MCM10: variants seen among roughly 807,000 people sequenced by gnomAD.
The protein encoded by MCM10 is minichromosome maintenance 10 replication initiation factor, also known as protein MCM10 homolog.
Under a neutral mutation model 109.9 loss-of-function variants are expected in MCM10, and 91 were observed. That is an observed-to-expected ratio of 0.83 (90% confidence interval 0.70 to 0.99). The LOEUF is 0.99. Among genes scored for constraint, MCM10 ranks in the 50% least tolerant of loss-of-function variants. The probability of loss-of-function intolerance (pLI) is 0.00; values close to 1 mark genes in which losing one functional copy is unlikely to be tolerated. For synonymous variants in MCM10, 380 were observed against 387.2 expected (o/e 0.98, Z 0.22); for missense variants, 1,077 against 1,061.2 (o/e 1.01, Z -0.21).
chr10:13,174,737 C>T (rs1281982271), intron 5 of MCM10, among the ~76,000 whole-genome samples: 2 of 152,208 alleles, frequency 1.3e-5, no homozygotes, highest in Non-Finnish European at 2.9e-5. Context: ...ACATTATTAT[C>T]ATCAGAGAAA....
At position 13,182,843 on chromosome 10, in the gene MCM10, A is replaced by G. The variant is rs1834225783; in HGVS notation, c.931-90A>G. The G allele has an allele frequency of 3.0e-6, 3 of 984,442 alleles. No individual in the cohort carries two copies. Among genetic ancestry groups the G allele is most frequent in the Non-Finnish European group, 4.5e-6 (3 of 666,980 alleles). 61.0% of individuals were successfully genotyped at this position (984,442 alleles called of 1,614,324 possible). On this transcript the variant is annotated intron_variant, in intron 7 of 19. Coordinates refer to ENST00000378714, the MANE Select transcript of MCM10 (RefSeq NM_018518.5). The surrounding 1 kb of genome is among the most constrained non-coding windows in gnomAD (Gnocchi z 4.2). ...AACTTGGATTTTATGGATTATAGGC[A>G]TATAGTTTTCCATAGTAAAACTCTT...
chr10:13,186,973 T>C (rs558101316), intron 9 of MCM10, among the ~76,000 whole-genome samples: 20 of 152,286 alleles, frequency 1.3e-4, no homozygotes, highest in South Asian at 6.2e-4. Flanking sequence ...GCCTGGGCGA[T>C]AGAGTGAGAT....
chr10:13,164,837 T>C (rs1833973441), intron 2 of MCM10, among the ~76,000 whole-genome samples: 1 of 152,116 alleles, frequency 6.6e-6, no homozygotes, highest in Admixed American at 6.5e-5. Context: ...GGTGGGAGGA[T>C]TGCTTGAGCC....
At chr10:13,195,363 T>A in intron 14 of MCM10, 94 bp downstream of exon 14, 1 of 899,096 alleles carries the variant, frequency 1.1e-6, no homozygotes, top group Non-Finnish European at 1.7e-6. Context: ...TTATTGATCG[T>A]GATCATTAGA....
chr10:13,177,510 T>G (rs1232794941), intron 6 of MCM10, among the ~76,000 whole-genome samples: 2 of 47,196 alleles, frequency 4.2e-5, no homozygotes, highest in African/African-American at 1.6e-4. Flanking sequence ...TTTTGGAGCT[T>G]TTTTTTTTTT....
chr10:13,200,277 T>C (rs1044713052), intron 16 of MCM10, among the ~76,000 whole-genome samples: 1 of 152,140 alleles, frequency 6.6e-6, no homozygotes, highest in Non-Finnish European at 1.5e-5. Flanking sequence ...AGATGTCTCA[T>C]AGAGCACACA....
chr10:13,170,678 TTTTG>T (rs747445575), intron 2 of MCM10, among the ~76,000 whole-genome samples: 125 of 151,476 alleles, frequency 8.3e-4, no homozygotes, highest in African/African-American at 2.6e-3. Flanking sequence ...TTTTTGTTTT[TTTTG>T]TTTGTTTGTT....
chr10:13,202,454 T>A (rs1834512782), intron 17 of MCM10, among the ~76,000 whole-genome samples: 1 of 152,228 alleles, frequency 6.6e-6, no homozygotes, highest in African/African-American at 2.4e-5. Flanking sequence ...ATCAGCCTAC[T>A]TAATAAACAT....
chr10:13,171,189 C>T lies in MCM10; in HGVS notation c.275C>T (p.Ala92Val), dbSNP rs763605786. Residue 92 changes from alanine to valine, a missense_variant, in exon 3 of 20, where the codon GCA (alanine) becomes GTA (valine). Transcript: ENST00000378714. ...EDLTDEEEVP[A>V]SQSTENRVLP... ...TTAACAGATGAAGAAGAAGTTCCCGCATCACAGTCAACTGAAAATAGGGTC... is the reference window on the plus strand; with the variant it reads ...TTAACAGATGAAGAAGAAGTTCCCGTATCACAGTCAACTGAAAATAGGGTC... The T allele has an allele frequency of 1.9e-6, 3 of 1,614,068 alleles. No homozygotes were observed. The highest frequency in any genetic ancestry group is 1.3e-5 in the African/African-American group (1 of 74,918).
At chr10:13,205,718 A>G (rs1392797624) in intron 18 of MCM10, among the ~76,000 whole-genome samples, 4 of 152,150 alleles carry the variant, frequency 2.6e-5, no homozygotes, top group African/African-American at 7.2e-5. Context: ...AGCCATTCTT[A>G]CTGGTATAAG....
At chr10:13,189,156 G>A in intron 10 of MCM10, 76 bp downstream of exon 10, 2 of 1,461,694 alleles carry the variant, frequency 1.4e-6, no homozygotes, top group South Asian at 1.2e-5. Flanking sequence ...GTACCTTCCT[G>A]TAACCGTCAT....
At chr10:13,163,773 C>A (rs7069408) in intron 1 of MCM10, among the ~76,000 whole-genome samples, 84 of 152,090 alleles carry the variant, frequency 5.5e-4, no homozygotes, top group African/African-American at 2.0e-3. Flanking sequence ...TCAAGTGATG[C>A]GCCCACCTTA....
chr10:13,171,333 T>A (rs1196561962), intron 3 of MCM10, 70 bp downstream of exon 3: 1 of 1,335,414 alleles, frequency 7.5e-7, no homozygotes, highest in African/African-American at 1.5e-5. Context: ...CTGATAGTTG[T>A]CATCAAAATA....
intron 9 of MCM10, among the ~76,000 whole-genome samples, chr10:13,187,382 TGATA>T (rs1834289327): frequency 1.3e-5 from 2 of 152,256 alleles, no homozygotes; most frequent in Non-Finnish European, 1.5e-5. Context: ...TTTCATCAGT[TGATA>T]CACGCTTGGG....
rs1159252013 is a variant in MCM10 at position 13,209,445 on chromosome 10, G to A, written c.*135G>A. 2.9e-6 allele frequency: 2 copies of A among 697,906 alleles called. No homozygotes were observed. Among genetic ancestry groups the A allele is most frequent in the Non-Finnish European group, 2.4e-6 (1 of 409,544 alleles). 43.2% of individuals were successfully genotyped at this position (697,906 alleles called of 1,614,324 possible). A position where few individuals can be genotyped will look rare whatever the true frequency, so the allele number is the denominator to read the frequency against. ...AATGCTTGTTAAGCCCATAAGCTTT[G>A]CCTGCTTACTTTCTGCCATTGGGTT... On this transcript the variant is annotated 3_prime_UTR_variant, in exon 20 of 20. Coordinates refer to ENST00000378714, the MANE Select transcript of MCM10 (RefSeq NM_018518.5).
At chr10:13,163,434 T>C (rs1833953887) in intron 1 of MCM10, among the ~76,000 whole-genome samples, 1 of 152,250 alleles carries the variant, frequency 6.6e-6, no homozygotes, top group African/African-American at 2.4e-5. Context: ...TAGAAAAATG[T>C]ATACTTTCTT....
intron 16 of MCM10, 134 bp downstream of exon 16, chr10:13,198,941 G>T: frequency 1.6e-6 from 1 of 628,674 alleles, no homozygotes; most frequent in Non-Finnish European, 2.8e-6. Context: ...TGTGGCCCAG[G>T]CTGAAGTGCA....
chr10:13,189,090 T>A lies in MCM10; in HGVS notation c.1415+10T>A, dbSNP rs1834314598. 6.2e-7 allele frequency: 1 copy of A among 1,613,972 alleles called. No homozygotes were observed. Among genetic ancestry groups the A allele is most frequent in the African/African-American group, 1.3e-5 (1 of 74,918 alleles). On this transcript the variant is annotated intron_variant, in intron 10 of 19. Coordinates refer to ENST00000378714, the MANE Select transcript of MCM10 (RefSeq NM_018518.5). ...CGTATGCAGCTTCAATGTAAGACGT[T>A]CTCGGGCTTCTTTTGGGCAGAGGAT...
chr10:13,189,015 A>C lies in MCM10; in HGVS notation c.1350A>C (p.Lys450Asn), dbSNP rs1331356659. ...KKFARRGTSL[K>N]ERLCQDGFYY... ...TTGCCCGCAGAGGCACCAGCCTCAA[A>C]GAACGGCTGTGCCAAGATGGCTTTT... is the stretch of plus-strand genomic sequence containing the variant. Residue 450 changes from lysine to asparagine, a missense_variant, in exon 10 of 20, where the codon AAA becomes AAC. Transcript: ENST00000378714. 4 of 1,614,162 alleles carry C rather than the reference A, an allele frequency of 2.5e-6. No homozygotes were observed. The highest frequency in any genetic ancestry group is 3.4e-6 in the Non-Finnish European group (4 of 1,180,060).
Sources: gnomAD v4.1 joint callset for allele counts (sites outside exome capture counted in the v4.1 genomes callset) on GRCh38, gnomAD v4.1.1 for gene constraint, Gnocchi (gnomAD v3.1) non-coding constraint, MANE v1.5 for transcripts, NCBI Gene and HGNC (gene_info 2026-07-23, HGNC 2026-07-21) for gene names.